The following FRMD4B variants were observed in gnomAD, a reference collection of about 807,000 sequenced individuals.
The protein encoded by FRMD4B is FERM domain-containing protein 4B.
In FRMD4B, 74 loss-of-function variants were observed where a neutral mutation model predicts 141.5. That is an observed-to-expected ratio of 0.52 (90% CI 0.43 to 0.63). The LOEUF is 0.63. FRMD4B is among the 30% of genes least tolerant of loss of function. The pLI, the probability that FRMD4B is intolerant of heterozygous loss-of-function variation, is 0.00. For synonymous variants in FRMD4B, 506 were observed against 467.9 expected (o/e 1.08, Z -1.05); for missense variants, 1,366 against 1,253.4 (o/e 1.09, Z -1.36).
chr3:69,215,282 C>CT (rs1559724064), intron 11 of FRMD4B, among the ~76,000 whole-genome samples: 1 of 37,474 alleles, frequency 2.7e-5, no homozygotes, highest in African/African-American at 6.6e-5. Flanking sequence ...GATTGTGACC[C>CT]TCTTTTTTTT....
chr3:69,531,031 A>G (rs928309722), intron 1 of FRMD4B, among the ~76,000 whole-genome samples: 3 of 152,244 alleles, frequency 2.0e-5, no homozygotes, highest in Non-Finnish European at 4.4e-5. Flanking sequence ...TTGCAGTTAG[A>G]GAGACATGGA....
chr3:69,474,018 TTAGAG>T (rs1705937940), intron 1 of FRMD4B, among the ~76,000 whole-genome samples: 1 of 152,144 alleles, frequency 6.6e-6, no homozygotes, highest in South Asian at 2.1e-4. Flanking sequence ...AATACAAAAA[TTAGAG>T]ATGCCCTACC....
chr3:69,303,551 C>T (rs980804072), intron 3 of FRMD4B, among the ~76,000 whole-genome samples: 4 of 151,978 alleles, frequency 2.6e-5, no homozygotes, highest in Non-Finnish European at 5.9e-5. Context: ...AAAAACTAGG[C>T]CATATGTTAA....
At chr3:69,350,017 A>G (rs1481345384) in intron 1 of FRMD4B, among the ~76,000 whole-genome samples, 1 of 152,192 alleles carries the variant, frequency 6.6e-6, no homozygotes, top group Non-Finnish European at 1.5e-5. Context: ...CAAAAAAACT[A>G]TCATCAGAGT....
chr3:69,535,728 G>A (rs867583831), intron 1 of FRMD4B: 9 of 401,598 alleles, frequency 2.2e-5, no homozygotes, highest in African/African-American at 2.2e-4. Flanking sequence ...CCTTTCACGG[G>A]CACTTGGGGG....
chr3:69,200,940 C>T (rs1233271380), intron 11 of FRMD4B: 3 of 442,762 alleles, frequency 6.8e-6, no homozygotes, highest in Admixed American at 4.9e-5. Flanking sequence ...TCACCACCTC[C>T]CCCTCTTATC....
At chr3:69,209,017 G>A (rs980498665) in intron 11 of FRMD4B, among the ~76,000 whole-genome samples, 19 of 152,156 alleles carry the variant, frequency 1.2e-4, no homozygotes, top group Admixed American at 6.5e-4. Context: ...GGTGGCGTGC[G>A]CCTGTAGTCC....
At chr3:69,431,063 C>T (rs1431182866) in intron 2 of FRMD4B, among the ~76,000 whole-genome samples, 2 of 151,740 alleles carry the variant, frequency 1.3e-5, no homozygotes, top group African/African-American at 2.4e-5. Flanking sequence ...TGCAAAAAAT[C>T]CAAGTGGAAA....
intron 1 of FRMD4B, among the ~76,000 whole-genome samples, chr3:69,523,216 T>C (rs1174603622): frequency 6.6e-6 from 1 of 152,010 alleles, no homozygotes; most frequent in Non-Finnish European, 1.5e-5. Context: ...TGCTGGACTC[T>C]AGGCATTTGA....
intron 19 of FRMD4B, among the ~76,000 whole-genome samples, chr3:69,183,066 T>C (rs1259857205): frequency 1.3e-5 from 2 of 152,202 alleles, no homozygotes; most frequent in African/African-American, 2.4e-5. Context: ...CAGGGATGGA[T>C]GTATAATTCA....
At chr3:69,506,061 C>CA (rs1162489163) in intron 1 of FRMD4B, among the ~76,000 whole-genome samples, 1 of 152,174 alleles carries the variant, frequency 6.6e-6, no homozygotes, top group African/African-American at 2.4e-5. Context: ...ATGGTGCCCT[C>CA]ACCTTCACCC....
In FRMD4B at chr3:69,310,865, A is replaced by C. The variant is rs550764654; in HGVS notation, c.323+398T>G. On this transcript the variant is annotated intron_variant, in intron 3 of 22. Coordinates refer to ENST00000398540, the MANE Select transcript of FRMD4B (RefSeq NM_015123.3). ...ATATACATGTTTTTTAGTGGGCCAC[A>C]AATTTGCCTTTAAGCTCTCTTGCCA... is the stretch of plus-strand genomic sequence containing the variant. Among the ~76,000 whole-genome samples the C allele has an allele frequency of 5.0e-4, 76 of 152,306 alleles. No individual in the cohort carries two copies. In the South Asian group the frequency reaches 5.6e-3, roughly 11 times the overall value.
At position 69,466,705 on chromosome 3, in the gene FRMD4B, T is replaced by C. The variant is rs11928545; in HGVS notation, c.-128-33944A>G. 2.3e-3 allele frequency among the ~76,000 whole-genome samples: 347 copies of C among 152,246 alleles called. 3 individuals are homozygous for C. The highest frequency in any genetic ancestry group is 7.8e-3 in the African/African-American group (325 of 41,530). ...AACAGAAAAGCAAAACCTTTTCTTT[T>C]CTTTTATTTTTGAGACAGGATCACT... On this transcript the variant is annotated intron_variant, in intron 1 of 5. Coordinates refer to the FRMD4B transcript ENST00000459638.
intron 1 of FRMD4B, among the ~76,000 whole-genome samples, chr3:69,504,265 TA>T (rs1474903670): frequency 6.6e-6 from 1 of 152,210 alleles, no homozygotes; most frequent in African/African-American, 2.4e-5. Context: ...TTTTTTCCAA[TA>T]TTTTTTCATT....
intron 5 of FRMD4B, among the ~76,000 whole-genome samples, chr3:69,278,605 T>A (rs1463919638): frequency 1.1e-4 from 1 of 9,390 alleles, no homozygotes; most frequent in African/African-American, 2.2e-4. Flanking sequence ...CCCAAATTGC[T>A]TTTTTTTTTT....
intron 1 of FRMD4B, among the ~76,000 whole-genome samples, chr3:69,470,087 T>C (rs1705862582): frequency 6.6e-6 from 1 of 152,200 alleles, no homozygotes; most frequent in African/African-American, 2.4e-5. Flanking sequence ...TTTGGATCGG[T>C]ATTCTCCAAA....
chr3:69,470,912 T>G (rs1382100270), intron 1 of FRMD4B, among the ~76,000 whole-genome samples: 1 of 152,190 alleles, frequency 6.6e-6, no homozygotes, highest in East Asian at 1.9e-4. Context: ...CCATCCCACA[T>G]GGCCGACAGG....
intron 1 of FRMD4B, among the ~76,000 whole-genome samples, chr3:69,338,684 G>C (rs970918395): frequency 6.6e-6 from 1 of 152,104 alleles, no homozygotes; most frequent in Non-Finnish European, 1.5e-5. Flanking sequence ...GCCTACTTGA[G>C]GGTAGAGGGT....
chr3:69,472,402 G>A lies in FRMD4B; in HGVS notation c.-128-39641C>T, dbSNP rs1445085278. On this transcript the variant is annotated intron_variant, in intron 1 of 5. Coordinates refer to the FRMD4B transcript ENST00000459638. ...CCCTCATTCTTAATATCTTGGAAGT[G>A]CCTCTTCACTAATATGGCCAATAAT... is the stretch of plus-strand genomic sequence containing the variant. 11 of 489,466 alleles carry A rather than the reference G, an allele frequency of 2.2e-5. No homozygotes were observed. The East Asian group carries it at 6.6e-4, about 29-fold the overall frequency. The allele number at this position is 489,466 out of a possible 1,614,324, so 30.3% of individuals were successfully genotyped here.
Sources: allele counts gnomAD v4.1 joint callset (sites outside exome capture counted in the v4.1 genomes callset), GRCh38; gene constraint gnomAD v4.1.1; transcripts MANE v1.5; gene names NCBI Gene and HGNC (gene_info 2026-07-23, HGNC 2026-07-21).